Variants in PI4K2A observed in about 807,000 individuals in gnomAD.
PI4K2A encodes the protein phosphatidylinositol 4-kinase type 2-alpha.
In PI4K2A, 20 loss-of-function variants were observed where a neutral mutation model predicts 55.0. The observed-to-expected ratio is 0.36, with a 90% CI of 0.26 to 0.53. PI4K2A has a LOEUF of 0.53. Ranked by LOEUF, PI4K2A falls within the 20% of genes least tolerant of loss-of-function variation. The pLI is 0.91. For missense variants in PI4K2A, 463 were observed against 637.1 expected, an observed-to-expected ratio of 0.73 and a Z score of 2.94; for synonymous variants, 235 against 258.5, an observed-to-expected ratio of 0.91 and a Z score of 0.87.
At chr10:97,641,291 C>G in intron 1 of PI4K2A, 114 bp downstream of exon 1, 1 of 758,932 alleles carries the variant, frequency 1.3e-6, no homozygotes, top group Non-Finnish European at 2.1e-6. Flanking sequence ...GTACCAGCCC[C>G]TGGCAGGATT....
At chr10:97,673,703 G>A (rs762314827) in exon 9 of PI4K2A, 3 of 1,614,108 alleles carry the variant, frequency 1.9e-6, no homozygotes, top group Non-Finnish European at 1.7e-6. Context: ...CCTACACACA[G>A]AGCTTTCAGA....
chr10:97,656,399 A>C lies in PI4K2A; in HGVS notation c.751A>C (p.Ile251Leu). 2 of 1,614,150 alleles carry C rather than the reference A, an allele frequency of 1.2e-6. No individual in the cohort carries two copies. The highest frequency in any genetic ancestry group is 1.7e-6 in the Non-Finnish European group (2 of 1,180,016). The change falls in exon 3 of 9, where the codon ATC (isoleucine) becomes CTC (leucine). Residue 251 changes from isoleucine to leucine, a missense_variant. Ile to Leu is a conservative substitution (Grantham distance 5). Transcript: ENST00000370631. The surrounding 1 kb of genome is among the most constrained non-coding windows in gnomAD (Gnocchi z 4.5). ...AAAAGTTGGACAGCGGTTTAACCGC[A>C]TCGGGCTACCACCAAAGGTATAGAC... is the stretch of plus-strand genomic sequence containing the variant.
chr10:97,663,695 T>G lies in PI4K2A; in HGVS notation c.984+727T>G, dbSNP rs138847607. On this transcript the variant is annotated intron_variant, in intron 5 of 8. Transcript: ENST00000370631. ...ATTAGCCGGGCATGATGGCGGGAGC[T>G]TGTATTCCTAGCTACTCGGGAGGCT... Among the ~76,000 whole-genome samples, 1,401 of 151,416 alleles carry G rather than the reference T, an allele frequency of 9.3e-3. 20 individuals are homozygous for G. The highest frequency in any genetic ancestry group is 0.028 in the African/African-American group (1,158 of 41,298).
chr10:97,664,995 A>G lies in PI4K2A; in HGVS notation c.1084+11A>G, dbSNP rs1280256889. Reference sequence around the variant, plus strand: ...ACTCCTGGAGGGCATGTAAGTCTCCAGACAATGGTGGTCTGGCTCTTCCCT... The same window carrying G: ...ACTCCTGGAGGGCATGTAAGTCTCCGGACAATGGTGGTCTGGCTCTTCCCT... On this transcript the variant is annotated intron_variant, in intron 6 of 8. Coordinates refer to ENST00000370631, the Ensembl canonical transcript of PI4K2A. The G allele has an allele frequency of 6.4e-7, 1 of 1,555,044 alleles. No homozygotes were observed. The highest frequency in any genetic ancestry group is 1.1e-5 in the South Asian group (1 of 89,674).
At chr10:97,667,370 C>T (rs542192669) in intron 8 of PI4K2A, among the ~76,000 whole-genome samples, 53 of 152,134 alleles carry the variant, frequency 3.5e-4, no homozygotes, top group Middle Eastern at 3.4e-3. Context: ...TCACAACGCC[C>T]GGCTAATTTT....
exon 9 of PI4K2A, chr10:97,673,976 G>T: frequency 4.1e-6 from 2 of 482,774 alleles, no homozygotes; most frequent in Non-Finnish European, 7.4e-6. Flanking sequence ...ACGTAGTCCA[G>T]ATGCCTGGGA....
Position 97,656,749 on chromosome 10 carries a change from C to T in PI4K2A, c.769-72C>T. 7.2e-7 allele frequency: 1 copy of T among 1,397,766 alleles called. No individual in the cohort carries two copies. Among genetic ancestry groups the T allele is most frequent in the Non-Finnish European group, 1.0e-6 (1 of 992,590 alleles). The allele number at this position is 1,397,766 out of a possible 1,614,324, so 86.6% of individuals were successfully genotyped here. A position where few individuals can be genotyped will look rare whatever the true frequency, so the allele number is the denominator to read the frequency against. On this transcript the variant is annotated intron_variant, in intron 3 of 8. Transcript: ENST00000370631. This position sits in a 1 kb window ranked among gnomAD's most constrained non-coding sequence, Gnocchi z 4.5. ...AACTCCATAGGGCCTTAATGGGTAT[C>T]TGGCATATACTCCAAAGGTCTTTGG...
chr10:97,647,804 G>T, intron 1 of PI4K2A, among the ~76,000 whole-genome samples: 1 of 149,074 alleles, frequency 6.7e-6, no homozygotes, highest in East Asian at 1.9e-4. Flanking sequence ...CATGCTTTTG[G>T]AGTCATTGAA....
exon 9 of PI4K2A, chr10:97,673,718 G>A: frequency 6.2e-7 from 1 of 1,614,080 alleles, no homozygotes; most frequent in Non-Finnish European, 8.5e-7. Context: ...TTCAGAGCCG[G>A]AAGCCCTTCT....
intron 4 of PI4K2A, among the ~76,000 whole-genome samples, chr10:97,662,700 T>A (rs1319161081): frequency 6.6e-6 from 1 of 152,226 alleles, no homozygotes; most frequent in African/African-American, 2.4e-5. Context: ...ATGGATTTCC[T>A]TTCTCTCCCA....
upstream of PI4K2A, chr10:97,640,685 G>A: frequency 1.6e-6 from 2 of 1,273,460 alleles, no homozygotes; most frequent in Non-Finnish European, 1.0e-6. Context: ...CGGATTGGTC[G>A]CGGCCGCGAG....
At chr10:97,657,460 G>A (rs1326389647) in intron 4 of PI4K2A, among the ~76,000 whole-genome samples, 1 of 152,050 alleles carries the variant, frequency 6.6e-6, no homozygotes, top group East Asian at 1.9e-4. Context: ...TTGAGGCCGG[G>A]AGTTCCAGAC....
At chr10:97,675,572 A>G (rs2041659982) in exon 9 of PI4K2A, 1 of 152,254 alleles carries the variant, frequency 6.6e-6, no homozygotes. Context: ...TTTTACCCAA[A>G]CCTGTTGGTA....
At chr10:97,652,075 T>C (rs1195343886) in intron 2 of PI4K2A, among the ~76,000 whole-genome samples, 1 of 152,166 alleles carries the variant, frequency 6.6e-6, no homozygotes, top group African/African-American at 2.4e-5. Context: ...TTTATTTAGT[T>C]ATTTACTAAA....
intron 1 of PI4K2A, among the ~76,000 whole-genome samples, chr10:97,643,279 A>G (rs1396788743): frequency 6.6e-6 from 1 of 152,096 alleles, no homozygotes; most frequent in Non-Finnish European, 1.5e-5. Context: ...GTGACCCACC[A>G]TGCCTGTCCT....
At chr10:97,652,970 C>G (rs951318571) in intron 2 of PI4K2A, among the ~76,000 whole-genome samples, 2 of 152,244 alleles carry the variant, frequency 1.3e-5, no homozygotes, top group Non-Finnish European at 2.9e-5. Flanking sequence ...CATTTCACAT[C>G]TAATTCACTG....
At position 97,656,549 on chromosome 10, in the gene PI4K2A, T is replaced by G. The variant is rs1298245403; in HGVS notation, c.768+133T>G. 4.7e-6 allele frequency: 4 copies of G among 853,490 alleles called. No individual in the cohort carries two copies. In the African/African-American group the frequency reaches 6.8e-5, roughly 14 times the overall value. The allele number at this position is 853,490 out of a possible 1,614,324, so 52.9% of individuals were successfully genotyped here. On this transcript the variant is annotated intron_variant, in intron 3 of 8. Coordinates refer to ENST00000370631, the Ensembl canonical transcript of PI4K2A. This position sits in a 1 kb window ranked among gnomAD's most constrained non-coding sequence, Gnocchi z 4.5. ...GCCCTGAGGATCCTGTCTTCCTTAT[T>G]TCTGTCAAGTGGCTAAGGTTTGAAA...
intron 1 of PI4K2A, among the ~76,000 whole-genome samples, chr10:97,642,574 T>A (rs2041475557): frequency 6.6e-6 from 1 of 151,786 alleles, no homozygotes; most frequent in Non-Finnish European, 1.5e-5. Context: ...CTAATTTTTG[T>A]ATTTTTAGTA....
At chr10:97,658,476 C>T (rs543141291) in intron 4 of PI4K2A, among the ~76,000 whole-genome samples, 2 of 152,268 alleles carry the variant, frequency 1.3e-5, no homozygotes, top group East Asian at 1.9e-4. Context: ...TTAGCTATTA[C>T]GAACAATGCT....
Sources: allele counts gnomAD v4.1 joint callset (sites outside exome capture counted in the v4.1 genomes callset), GRCh38; gene constraint gnomAD v4.1.1; non-coding constraint Gnocchi (gnomAD v3.1); transcripts MANE v1.5; gene names NCBI Gene and HGNC (gene_info 2026-07-23, HGNC 2026-07-21).